Variants in ARID1B observed in about 807,000 individuals in gnomAD.
The protein encoded by ARID1B is AT-rich interactive domain-containing protein 1B.
In ARID1B, 30 loss-of-function variants were observed where a neutral mutation model predicts 212.3. That is an observed-to-expected ratio of 0.14 (90% confidence interval 0.11 to 0.19). The LOEUF (loss-of-function observed/expected upper bound fraction) is 0.19, where lower values mean the gene tolerates loss of function less well. ARID1B is among the 10% of genes least tolerant of loss of function. The pLI, the probability that ARID1B is intolerant of heterozygous loss-of-function variation, is 1.00. For missense variants in ARID1B, 2,891 were observed against 3,204.0 expected (o/e 0.90, Z 2.36); for synonymous variants, 1,402 against 1,301.7 (o/e 1.08, Z -1.66).
At chr6:156,802,659 G>C (rs1780869924) in intron 1 of ARID1B, among the ~76,000 whole-genome samples, 1 of 152,136 alleles carries the variant, frequency 6.6e-6, no homozygotes, top group Non-Finnish European at 1.5e-5. Flanking sequence ...CTAGCCCCTG[G>C]GGCTTTGATT....
rs754539925 is a variant in ARID1B, at chr6:157,206,769, C to G, written c.5997C>G (p.Thr1999=). The change falls in exon 20 of 20, where the codon ACC becomes ACG. Residue 1999 remains threonine, a synonymous_variant. Transcript: ENST00000636930. The surrounding 1 kb of genome is among the most constrained non-coding windows in gnomAD (Gnocchi z 6.8). ...EEQQEKSIIA[T]IDDVLSARPG... ...AGCAAGAGAAAAGCATCATAGCAAC[C>G]ATCGATGACGTCCTCTCTGCTCGGC... 3 of 1,613,544 alleles carry G rather than the reference C, an allele frequency of 1.9e-6. No individual in the cohort carries two copies. The highest frequency in any genetic ancestry group is 1.3e-5 in the African/African-American group (1 of 74,898).
At chr6:157,114,392 T>C (rs13220087) in intron 6 of ARID1B, among the ~76,000 whole-genome samples, 2 of 151,734 alleles carry the variant, frequency 1.3e-5, no homozygotes, top group East Asian at 3.9e-4. Context: ...GGCATGGTGG[T>C]GTGTGCCTGT....
chr6:157,124,383 T>C (rs1787991783), intron 6 of ARID1B, among the ~76,000 whole-genome samples: 1 of 152,232 alleles, frequency 6.6e-6, no homozygotes, highest in Non-Finnish European at 1.5e-5. Flanking sequence ...CAAAAAACAA[T>C]AGCAGTATGC....
chr6:156,896,619 G>A (rs186361141), intron 2 of ARID1B, among the ~76,000 whole-genome samples: 87 of 142,552 alleles, frequency 6.1e-4, no homozygotes, highest in Admixed American at 1.9e-3. Context: ...AGTGGCTCAC[G>A]CCTGTAATCT....
At chr6:156,792,252 G>T (rs990338127) in intron 1 of ARID1B, among the ~76,000 whole-genome samples, 2 of 152,162 alleles carry the variant, frequency 1.3e-5, no homozygotes, top group East Asian at 3.8e-4. Flanking sequence ...TGACTAGAAT[G>T]ACAAGCTGAT....
rs1177807875 is a variant in ARID1B at position 157,004,897 on chromosome 6, C to CTTT, written c.2247+69353_2247+69355dup. On this transcript the variant is annotated intron_variant, in intron 4 of 19. Transcript: ENST00000636930. ...TTTTTTCTTTTTCTTCTTCTTTTTT[C>CTTT]TTTTTTTTTTTTTTTTTTTTTTTTT... is the stretch of plus-strand genomic sequence containing the variant. Among the ~76,000 whole-genome samples the CTTT allele has an allele frequency of 6.2e-4, 34 of 54,702 alleles. 2 individuals are homozygous for CTTT. The highest frequency in any genetic ancestry group is 1.0e-3 in the Non-Finnish European group (28 of 27,300). 35.9% of individuals were successfully genotyped at this position (54,702 alleles called of 152,430 possible).
In ARID1B at chr6:157,206,911, A is replaced by G. The variant is rs1045197595; in HGVS notation, c.6139A>G (p.Arg2047Gly). Residue 2047 changes from arginine (R) to glycine (G), a missense_variant, in exon 20 of 20, where the codon AGG becomes GGG. By Grantham distance (125) the Arg-to-Gly change is moderately radical. Coordinates refer to ENST00000636930, the MANE Select transcript of ARID1B (RefSeq NM_001374828.1). This position sits in a 1 kb window ranked among gnomAD's most constrained non-coding sequence, Gnocchi z 6.8. Reference sequence around the variant, plus strand: ...CATCAAGCTGCTGGAGGACGAGCCCAGGAGCCGAGACGAGACTCCTCTGTG... The same window carrying G: ...CATCAAGCTGCTGGAGGACGAGCCCGGGAGCCGAGACGAGACTCCTCTGTG... ...RNIKLLEDEP[R>G]SRDETPLCTI... The G allele has an allele frequency of 2.5e-6, 4 of 1,614,192 alleles. No homozygotes were observed. The highest frequency in any genetic ancestry group is 3.4e-6 in the Non-Finnish European group (4 of 1,180,028).
chr6:156,804,989 AGT>A (rs1194035466), intron 1 of ARID1B, among the ~76,000 whole-genome samples: 4 of 152,166 alleles, frequency 2.6e-5, no homozygotes, highest in Non-Finnish European at 5.9e-5. Flanking sequence ...GTACTTATAA[AGT>A]GACATGTAAA....
At chr6:156,842,844 C>T (rs1783990220) in intron 2 of ARID1B, among the ~76,000 whole-genome samples, 2 of 152,170 alleles carry the variant, frequency 1.3e-5, no homozygotes, top group Admixed American at 6.5e-5. Flanking sequence ...GTAAGTAATA[C>T]TACTCACTTT....
intron 4 of ARID1B, among the ~76,000 whole-genome samples, chr6:156,967,157 T>C (rs1310843787): frequency 6.6e-6 from 1 of 152,224 alleles, no homozygotes; most frequent in Non-Finnish European, 1.5e-5. Context: ...CCTAGTCTTT[T>C]GGGGGATTTT....
intron 9 of ARID1B, among the ~76,000 whole-genome samples, chr6:157,170,755 C>T (rs959824491): frequency 2.0e-5 from 3 of 152,172 alleles, no homozygotes; most frequent in African/African-American, 7.2e-5. Flanking sequence ...GCTGGCCCCA[C>T]TCTGTGCCAT....
chr6:156,896,617 A>C (rs2128200442), intron 2 of ARID1B, among the ~76,000 whole-genome samples: 1 of 145,904 alleles, frequency 6.9e-6, no homozygotes, highest in South Asian at 2.2e-4. Flanking sequence ...ACAGTGGCTC[A>C]CGCCTGTAAT....
At chr6:157,193,049 GCCTGCCTTC>G (rs1449097450) in intron 15 of ARID1B, among the ~76,000 whole-genome samples, 1 of 152,158 alleles carries the variant, frequency 6.6e-6, no homozygotes, top group Non-Finnish European at 1.5e-5. Context: ...CTGTTCACCG[GCCTGCCTTC>G]CCTGCCTTCT....
intron 11 of ARID1B, among the ~76,000 whole-genome samples, chr6:157,179,728 G>C (rs997652408): frequency 8.5e-5 from 13 of 152,178 alleles, no homozygotes; most frequent in Admixed American, 3.3e-4. Context: ...GGAGAATCAC[G>C]TGTTAGTTAA....
At chr6:157,098,991 T>C (rs746335411) in intron 5 of ARID1B, among the ~76,000 whole-genome samples, 2 of 152,074 alleles carry the variant, frequency 1.3e-5, no homozygotes, top group Admixed American at 6.5e-5. Context: ...TGAGACGGAG[T>C]CTCGCTCTGT....
At chr6:156,867,479 G>A (rs1785786982) in intron 2 of ARID1B, among the ~76,000 whole-genome samples, 1 of 152,148 alleles carries the variant, frequency 6.6e-6, no homozygotes, top group African/African-American at 2.4e-5. Context: ...CCTGTGGAAA[G>A]CTGACCTAGT....
In ARID1B at chr6:157,207,196, G is replaced by A. The variant is rs768433749; in HGVS notation, c.6424G>A (p.Val2142Ile). 3.1e-6 allele frequency: 5 copies of A among 1,614,162 alleles called. No homozygotes were observed. The South Asian group carries it at 5.5e-5, about 18-fold the overall frequency. Residue 2142 changes from valine to isoleucine, a missense_variant, in exon 20 of 20, where the codon GTC becomes ATC. Physicochemically the swap from Val to Ile is conservative, Grantham distance 29 (BLOSUM62 3). Transcript: ENST00000636930. The surrounding 1 kb of genome is among the most constrained non-coding windows in gnomAD (Gnocchi z 8.5). ...KDEWWWDCLEVLRDNTLVTLA... is the reference protein window; with the variant it reads ...KDEWWWDCLEILRDNTLVTLA... ...TGAGTGGTGGTGGGACTGCCTCGAGGTCTTGAGGGATAACACGTTGGTCAC... is the reference window on the plus strand; with the variant it reads ...TGAGTGGTGGTGGGACTGCCTCGAGATCTTGAGGGATAACACGTTGGTCAC...
chr6:157,193,119 C>T (rs1442366033), intron 15 of ARID1B, among the ~76,000 whole-genome samples: 1 of 152,104 alleles, frequency 6.6e-6, no homozygotes, highest in Non-Finnish European at 1.5e-5. Context: ...TATAAATGAA[C>T]ATCATTTTAT....
intron 1 of ARID1B, among the ~76,000 whole-genome samples, chr6:156,824,395 A>T (rs891066838): frequency 1.3e-5 from 2 of 152,230 alleles, no homozygotes; most frequent in African/African-American, 2.4e-5. Flanking sequence ...GCTGTTTTCG[A>T]TGTGGATGAT....
Sources: allele counts gnomAD v4.1 joint callset (sites outside exome capture counted in the v4.1 genomes callset), GRCh38; gene constraint gnomAD v4.1.1; non-coding constraint Gnocchi (gnomAD v3.1); transcripts MANE v1.5; gene names NCBI Gene and HGNC (gene_info 2026-07-23, HGNC 2026-07-21).